LIPH: variants seen among roughly 807,000 people sequenced by gnomAD.
LIPH encodes lipase H, also known as lipase member H.
Under a neutral mutation model 47.6 loss-of-function variants are expected in LIPH, and 32 were observed. That is an observed-to-expected ratio of 0.67 (90% CI 0.51 to 0.90). The LOEUF is 0.90. Ranked by LOEUF, LIPH falls within the 40% of genes least tolerant of loss-of-function variation. LIPH has a pLI of 0.00. For missense variants in LIPH, 497 were observed against 541.4 expected, an observed-to-expected ratio of 0.92 and a Z score of 0.81; for synonymous variants, 190 against 195.6, an observed-to-expected ratio of 0.97 and a Z score of 0.24.
chr3:185,520,673 G>A (rs1719875500), intron 5 of LIPH, among the ~76,000 whole-genome samples: 1 of 151,950 alleles, frequency 6.6e-6, no homozygotes, highest in African/African-American at 2.4e-5. Flanking sequence ...ATTTATTATG[G>A]GAATTTTCAA....
chr3:185,552,429 T>C lies in LIPH; in HGVS notation c.43A>G (p.Arg15Gly). 1.2e-6 allele frequency: 2 copies of C among 1,606,202 alleles called. No homozygotes were observed. The change falls in exon 1 of 10, where the codon AGA becomes GGA. Residue 15 changes from arginine (R) to glycine (G), a missense_variant. Physicochemically the swap from Arg to Gly is moderately radical, Grantham distance 125 (BLOSUM62 -2). Transcript: ENST00000296252. Reference protein sequence around the residue: ...YLFISLLCLSRSDAEETCPSF... With the variant: ...YLFISLLCLSGSDAEETCPSF... ...CAGTTTGTAAATAACCTACCTGATC[T>C]TGACAAGCACAACAAACTGATGAAT...
At chr3:185,510,472 A>AT (rs1719526467) in intron 9 of LIPH, among the ~76,000 whole-genome samples, 1 of 151,966 alleles carries the variant, frequency 6.6e-6, no homozygotes, top group Non-Finnish European at 1.5e-5. Context: ...TACATTGTTT[A>AT]TTTTTTCTGG....
chr3:185,525,747 A>G (rs184764838), intron 4 of LIPH, among the ~76,000 whole-genome samples: 13 of 152,332 alleles, frequency 8.5e-5, no homozygotes, highest in Admixed American at 7.8e-4. Context: ...TCACTTCCCA[A>G]AAATAAATTG....
chr3:185,520,468 G>A (rs913932700), intron 5 of LIPH, among the ~76,000 whole-genome samples: 4 of 151,282 alleles, frequency 2.6e-5, no homozygotes, highest in Non-Finnish European at 5.9e-5. Flanking sequence ...AGTGAGCCGA[G>A]ATCGAGCCAC....
intron 1 of LIPH, among the ~76,000 whole-genome samples, chr3:185,541,146 A>C (rs1022680835): frequency 6.6e-5 from 10 of 152,296 alleles, no homozygotes; most frequent in Admixed American, 3.9e-4. Context: ...GATTCCTTAT[A>C]TAGTTTCAAA....
chr3:185,527,944 C>G (rs1360947265), intron 3 of LIPH, among the ~76,000 whole-genome samples: 4 of 151,164 alleles, frequency 2.6e-5, no homozygotes, highest in African/African-American at 9.7e-5. Flanking sequence ...AAAAGAGCAG[C>G]CTGGGCGCAG....
At chr3:185,548,286 TC>T (rs901083431) in intron 1 of LIPH, among the ~76,000 whole-genome samples, 34 of 151,322 alleles carry the variant, frequency 2.2e-4, no homozygotes, top group African/African-American at 7.8e-4. Flanking sequence ...GCACCGGTAG[TC>T]CCAGCTACTT....
intron 3 of LIPH, among the ~76,000 whole-genome samples, chr3:185,528,911 C>T (rs1228698816): frequency 6.6e-6 from 1 of 151,590 alleles, no homozygotes; most frequent in Non-Finnish European, 1.5e-5. Context: ...CCACTGTAAT[C>T]CCAGCACTTT....
At position 185,552,460 on chromosome 3, in the gene LIPH, G is replaced by C. The variant is rs368798948; in HGVS notation, c.12C>G (p.Phe4Leu). The part of the protein sequence containing the change: MLR[F>L]YLFISLLCLS... ...AGCACAACAAACTGATGAATAAGTA[G>C]AATCTCAACATATGGAAACTGGAGA... Residue 4 changes from phenylalanine (F) to leucine (L), a missense_variant, in exon 1 of 10, where the codon TTC (phenylalanine) becomes TTG (leucine). Phe to Leu is a conservative substitution (Grantham distance 22, BLOSUM62 0). Transcript: ENST00000296252. 4 of 1,606,994 alleles carry C rather than the reference G, an allele frequency of 2.5e-6. No individual in the cohort carries two copies. In the African/African-American group the frequency reaches 5.3e-5, roughly 21 times the overall value.
chr3:185,538,882 T>C (rs61471283), intron 1 of LIPH, among the ~76,000 whole-genome samples: 43 of 137,096 alleles, frequency 3.1e-4, no homozygotes, highest in African/African-American at 9.1e-4. Context: ...CACATATATA[T>C]ACATATATAC....
At chr3:185,528,392 C>G (rs568220704) in intron 3 of LIPH, among the ~76,000 whole-genome samples, 1 of 142,940 alleles carries the variant, frequency 7.0e-6, no homozygotes, top group South Asian at 2.3e-4. Context: ...TTTAGATGAC[C>G]GAGAAACCTC....
At position 185,508,834 on chromosome 3, in the gene LIPH, C is replaced by G; in HGVS notation, c.1312G>C (p.Glu438Gln). 1 of 1,614,036 alleles carries G rather than the reference C, an allele frequency of 6.2e-7. No individual in the cohort carries two copies. Residue 438 changes from glutamate to glutamine, a missense_variant, in exon 10 of 10, where the codon GAA becomes CAA. Physicochemically the swap from Glu to Gln is conservative, Grantham distance 29 (BLOSUM62 2). Transcript: ENST00000296252. ...CAAAGAATAGGTTGGAAGACTGTTTCAACGTTTTCCATCAGGACAAGATCA... is the reference window on the plus strand; with the variant it reads ...CAAAGAATAGGTTGGAAGACTGTTTGAACGTTTTCCATCAGGACAAGATCA... Reference protein sequence around the residue: ...RYDLVLMENVETVFQPILCPE... With the variant: ...RYDLVLMENVQTVFQPILCPE...
intron 3 of LIPH, among the ~76,000 whole-genome samples, chr3:185,532,434 T>TGG (rs1366108210): frequency 6.1e-5 from 9 of 147,298 alleles, no homozygotes; most frequent in African/African-American, 2.3e-4. Context: ...TGCTTGTGCC[T>TGG]GGGGGGGCGT....
chr3:185,520,250 G>A (rs925298316), intron 5 of LIPH, among the ~76,000 whole-genome samples: 2 of 152,200 alleles, frequency 1.3e-5, no homozygotes, highest in African/African-American at 4.8e-5. Flanking sequence ...GCTGGGCATG[G>A]TGGCTCACGC....
chr3:185,543,259 G>C (rs1720769870), intron 1 of LIPH, among the ~76,000 whole-genome samples: 1 of 152,106 alleles, frequency 6.6e-6, no homozygotes, highest in Non-Finnish European at 1.5e-5. Context: ...GCATAATGCT[G>C]AAGTGCTGTC....
Position 185,529,980 on chromosome 3 carries a change from G to A in LIPH, c.527-2395C>T, listed in dbSNP as rs553060634. ...AAAGAAAGAAGGAAAGAAAGAAAGA[G>A]AGAGAGAGAGAAAATAAGCAGTGCC... On this transcript the variant is annotated intron_variant, in intron 3 of 9. Transcript: ENST00000296252. Among the ~76,000 whole-genome samples, 254 of 137,294 alleles carry A rather than the reference G, an allele frequency of 1.9e-3. 1 individual carries two copies. Among genetic ancestry groups the A allele is most frequent in the South Asian group, 3.5e-3 (15 of 4,256 alleles). The allele number at this position is 137,294 out of a possible 152,430, so 90.1% of individuals were successfully genotyped here. A position where few individuals can be genotyped will look rare whatever the true frequency, so the allele number is the denominator to read the frequency against.
chr3:185,538,542 C>T (rs1720572759), intron 1 of LIPH, among the ~76,000 whole-genome samples: 1 of 152,044 alleles, frequency 6.6e-6, no homozygotes, highest in Non-Finnish European at 1.5e-5. Context: ...AAAAACATAA[C>T]ATCAAAGTAC....
At chr3:185,543,127 T>C (rs1445367944) in intron 1 of LIPH, among the ~76,000 whole-genome samples, 1 of 152,098 alleles carries the variant, frequency 6.6e-6, no homozygotes, top group Non-Finnish European at 1.5e-5. Context: ...GAGAATTGCT[T>C]GAACCCGGGA....
chr3:185,541,322 C>T (rs1393638652), intron 1 of LIPH, among the ~76,000 whole-genome samples: 1 of 152,190 alleles, frequency 6.6e-6, no homozygotes, highest in East Asian at 1.9e-4. Context: ...TATATACATA[C>T]ACCCCTGGAA....
Sources: gnomAD v4.1 joint callset for allele counts (sites outside exome capture counted in the v4.1 genomes callset) on GRCh38, gnomAD v4.1.1 for gene constraint, MANE v1.5 for transcripts, NCBI Gene and HGNC (gene_info 2026-07-23, HGNC 2026-07-21) for gene names.